Variants in DOK6 observed in about 807,000 individuals in gnomAD.
DOK6 encodes docking protein 6.
In DOK6, 22 loss-of-function variants were observed where a neutral mutation model predicts 44.0. That is an observed-to-expected ratio of 0.50 (90% CI 0.36 to 0.71). DOK6 has a LOEUF of 0.71. Among genes scored for constraint, DOK6 ranks in the 30% least tolerant of loss-of-function variants. The probability of loss-of-function intolerance (pLI) is 0.00; values close to 1 mark genes in which losing one functional copy is unlikely to be tolerated. For missense variants in DOK6, 340 were observed against 416.4 expected (o/e 0.82, Z 1.60); for synonymous variants, 166 against 145.5 (o/e 1.14, Z -1.01).
chr18:69,695,992 G>A (rs1309587924), intron 4 of DOK6, among the ~76,000 whole-genome samples: 1 of 152,044 alleles, frequency 6.6e-6, no homozygotes, highest in Non-Finnish European at 1.5e-5. Flanking sequence ...GACTAGAGAT[G>A]GCCCTGGAAA....
intron 1 of DOK6, among the ~76,000 whole-genome samples, chr18:69,471,221 G>A (rs957213387): frequency 1.7e-5 from 2 of 118,058 alleles, no homozygotes; most frequent in Non-Finnish European, 1.6e-5. Flanking sequence ...TTGCACTCTA[G>A]CCTGGGCAAC....
intron 3 of DOK6, among the ~76,000 whole-genome samples, chr18:69,664,510 T>C (rs78941657): frequency 0.014 from 2,197 of 152,262 alleles, 47 homozygotes; most frequent in African/African-American, 0.049. Context: ...TCTTCTTTTA[T>C]GGAGGTAAGA....
intron 6 of DOK6, among the ~76,000 whole-genome samples, chr18:69,749,994 A>G (rs1053959804): frequency 6.7e-6 from 1 of 149,614 alleles, no homozygotes; most frequent in Admixed American, 6.7e-5. Flanking sequence ...CTAAAGGGAT[A>G]TAAAAGTGTA....
At chr18:69,424,861 C>G (rs538846457) in intron 1 of DOK6, among the ~76,000 whole-genome samples, 1 of 152,096 alleles carries the variant, frequency 6.6e-6, no homozygotes, top group Non-Finnish European at 1.5e-5. Context: ...TAAACATGCA[C>G]AACTTTTCAT....
rs73463985 is a variant in DOK6 at position 69,653,450 on chromosome 18, G to A, written c.290-24284G>A. On this transcript the variant is annotated intron_variant, in intron 3 of 7. Transcript: ENST00000382713. ...TGCTTCCCGAGGTACTTGCCGTCTGGTAGGTAATCACTAAGGGGCTGAAGA... is the reference window on the plus strand; with the variant it reads ...TGCTTCCCGAGGTACTTGCCGTCTGATAGGTAATCACTAAGGGGCTGAAGA... Among the ~76,000 whole-genome samples the A allele has an allele frequency of 9.1e-3, 1,384 of 152,250 alleles. 18 individuals are homozygous for A. The highest frequency in any genetic ancestry group is 0.03 in the African/African-American group (1,254 of 41,536).
chr18:69,750,293 A>G (rs1193055965), intron 6 of DOK6, among the ~76,000 whole-genome samples: 1 of 151,910 alleles, frequency 6.6e-6, no homozygotes, highest in Non-Finnish European at 1.5e-5. Context: ...CTTTTAAAGG[A>G]GAGTTTAATA....
chr18:69,826,944 A>G (rs1981758659), intron 7 of DOK6, among the ~76,000 whole-genome samples: 1 of 152,210 alleles, frequency 6.6e-6, no homozygotes. Flanking sequence ...AATTTGCTGC[A>G]GAAAATGGGG....
intron 7 of DOK6, among the ~76,000 whole-genome samples, chr18:69,796,418 G>T (rs529241654): frequency 6.6e-6 from 1 of 152,140 alleles, no homozygotes; most frequent in Non-Finnish European, 1.5e-5. Flanking sequence ...ATACATGCTG[G>T]CCACAAGAGA....
At chr18:69,797,875 C>T (rs1270093897) in intron 7 of DOK6, among the ~76,000 whole-genome samples, 1 of 152,084 alleles carries the variant, frequency 6.6e-6, no homozygotes, top group Non-Finnish European at 1.5e-5. Flanking sequence ...TTGTAATGTT[C>T]TCTAAATAGC....
intron 1 of DOK6, among the ~76,000 whole-genome samples, chr18:69,557,412 C>T (rs1288520045): frequency 6.6e-6 from 1 of 152,146 alleles, no homozygotes; most frequent in African/African-American, 2.4e-5. Flanking sequence ...AAGAAATCTG[C>T]CACCTACTTC....
intron 5 of DOK6, among the ~76,000 whole-genome samples, chr18:69,717,145 C>G (rs1311402028): frequency 1.3e-5 from 2 of 152,196 alleles, no homozygotes; most frequent in Non-Finnish European, 2.9e-5. Flanking sequence ...TTCTGTCACA[C>G]CCTTCCTGCA....
chr18:69,455,758 T>A (rs894988601), intron 1 of DOK6, among the ~76,000 whole-genome samples: 1 of 152,188 alleles, frequency 6.6e-6, no homozygotes, highest in Non-Finnish European at 1.5e-5. Flanking sequence ...TTGGCAGTCC[T>A]TCTCCTTCAG....
At chr18:69,687,860 CTT>C (rs1986186643) in intron 4 of DOK6, among the ~76,000 whole-genome samples, 2 of 152,006 alleles carry the variant, frequency 1.3e-5, no homozygotes, top group African/African-American at 2.4e-5. Context: ...TACTGAAAGT[CTT>C]TATGTAATAT....
chr18:69,647,556 A>C (rs1167567373), intron 3 of DOK6: 1 of 152,174 alleles, frequency 6.6e-6, no homozygotes, highest in Admixed American at 6.6e-5. Context: ...CAAGGTACTC[A>C]GTCCTTAAAG....
At chr18:69,555,312 G>A (rs1047096170) in intron 1 of DOK6, among the ~76,000 whole-genome samples, 2 of 152,114 alleles carry the variant, frequency 1.3e-5, no homozygotes, top group Admixed American at 6.6e-5. Flanking sequence ...TTGGAAAAGA[G>A]TAACATGCTT....
chr18:69,470,070 T>A (rs1195079054), intron 1 of DOK6: 2 of 164,246 alleles, frequency 1.2e-5, no homozygotes, highest in Non-Finnish European at 2.6e-5. Context: ...AAAAGCAGGC[T>A]GCTGCCACCA....
At chr18:69,830,880 T>G (rs916503876) in intron 7 of DOK6, among the ~76,000 whole-genome samples, 1 of 152,176 alleles carries the variant, frequency 6.6e-6, no homozygotes, top group African/African-American at 2.4e-5. Flanking sequence ...TAGGTCTGAC[T>G]TCTTCTGCAC....
At chr18:69,505,401 C>A (rs1981154386) in intron 1 of DOK6, among the ~76,000 whole-genome samples, 1 of 150,884 alleles carries the variant, frequency 6.6e-6, no homozygotes, top group Non-Finnish European at 1.5e-5. Flanking sequence ...GTTTCTAATG[C>A]TGTGGGAAAA....
chr18:69,809,923 G>C (rs552390634), intron 7 of DOK6, among the ~76,000 whole-genome samples: 1 of 151,898 alleles, frequency 6.6e-6, no homozygotes, highest in South Asian at 2.1e-4. Flanking sequence ...GCTATCTACA[G>C]ACTCAATGCC....
Sources: allele counts gnomAD v4.1 joint callset (sites outside exome capture counted in the v4.1 genomes callset), GRCh38; gene constraint gnomAD v4.1.1; transcripts MANE v1.5; gene names NCBI Gene and HGNC (gene_info 2026-07-23, HGNC 2026-07-21).